Variants in ST3GAL2 observed in about 807,000 individuals in gnomAD.
ST3GAL2 encodes ST3 beta-galactoside alpha-2,3-sialyltransferase 2, also known as CMP-N-acetylneuraminate-beta-galactosamide-alpha-2,3-sialyltransferase 2.
ST3GAL2 carries 16 observed loss-of-function variants against 37.5 expected under a neutral mutation model. The ratio of observed to expected loss-of-function variants is 0.43; its 90% CI spans 0.29 to 0.65. The LOEUF (loss-of-function observed/expected upper bound fraction) is 0.65. ST3GAL2 is among the 30% of genes least tolerant of loss of function. The pLI is 0.17. For missense variants in ST3GAL2, 383 were observed against 487.8 expected, an observed-to-expected ratio of 0.79 and a Z score of 2.02; for synonymous variants, 238 against 202.9, an observed-to-expected ratio of 1.17 and a Z score of -1.47.
chr16:70,399,956 A>C, intron 1 of ST3GAL2: 1 of 152,418 alleles, frequency 6.6e-6, no homozygotes, highest in Non-Finnish European at 1.5e-5. Context: ...GCCTCTCCCA[A>C]TCAGAAGGGA....
chr16:70,422,346 G>A (rs929672771), intron 1 of ST3GAL2, among the ~76,000 whole-genome samples: 2 of 152,214 alleles, frequency 1.3e-5, no homozygotes, highest in Non-Finnish European at 2.9e-5. Context: ...GGGACGAGAG[G>A]TGACACTGCA....
chr16:70,417,153 G>T (rs908050393), intron 1 of ST3GAL2, among the ~76,000 whole-genome samples: 4 of 152,178 alleles, frequency 2.6e-5, no homozygotes, highest in Admixed American at 6.5e-5. Context: ...TTATATAAAG[G>T]CACACATAAA....
intron 1 of ST3GAL2, among the ~76,000 whole-genome samples, chr16:70,416,300 C>G (rs2047676499): frequency 6.6e-6 from 1 of 152,128 alleles, no homozygotes; most frequent in Non-Finnish European, 1.5e-5. Context: ...ACCAGGCCTC[C>G]CCAGCCTCAT....
intron 3 of ST3GAL2, among the ~76,000 whole-genome samples, chr16:70,389,628 C>A (rs1264218964): frequency 6.6e-6 from 1 of 151,998 alleles, no homozygotes; most frequent in African/African-American, 2.4e-5. Flanking sequence ...CTACGTCCAG[C>A]TAATTTTTTG....
chr16:70,421,189 T>C (rs902243163), intron 1 of ST3GAL2, among the ~76,000 whole-genome samples: 4 of 152,162 alleles, frequency 2.6e-5, no homozygotes, highest in African/African-American at 9.7e-5. Context: ...TGAGCAGTCT[T>C]CCTCTTTCCT....
chr16:70,403,518 C>T (rs1597565314), intron 1 of ST3GAL2, among the ~76,000 whole-genome samples: 1 of 151,880 alleles, frequency 6.6e-6, no homozygotes, highest in Non-Finnish European at 1.5e-5. Context: ...CCCATCTCCA[C>T]AAAAAAGTAA....
Position 70,399,285 on chromosome 16 carries a change from C to T in ST3GAL2, c.-755G>A. On this transcript the variant is annotated 5_prime_UTR_variant, in exon 2 of 7. Coordinates refer to ENST00000342907, the MANE Select transcript of ST3GAL2 (RefSeq NM_006927.4). The stretch of plus-strand genomic sequence containing the variant: ...TTGCGTAGGGGTCGCAAAGCTCCTA[C>T]TGTGGCTGTGGGGTCCTCTGGCGCT... The T allele has an allele frequency of 2.5e-6, 1 of 398,868 alleles. No homozygotes were observed. The highest frequency in any genetic ancestry group is 4.4e-6 in the Non-Finnish European group (1 of 226,268). 24.7% of individuals were successfully genotyped at this position (398,868 alleles called of 1,614,324 possible).
chr16:70,408,586 G>A (rs1040181764), intron 1 of ST3GAL2, among the ~76,000 whole-genome samples: 5 of 152,018 alleles, frequency 3.3e-5, no homozygotes, highest in African/African-American at 1.2e-4. Context: ...ACCCCTCAGT[G>A]CTACCCTAGG....
chr16:70,409,768 G>C (rs1597568460), intron 1 of ST3GAL2, among the ~76,000 whole-genome samples: 1 of 151,110 alleles, frequency 6.6e-6, no homozygotes, highest in Admixed American at 6.6e-5. Context: ...CCCCCGAGTA[G>C]CTAGGACCAT....
At chr16:70,399,649 A>G in intron 1 of ST3GAL2, 116 bp from the exon 2 acceptor site, 1 of 388,864 alleles carries the variant, frequency 2.6e-6, no homozygotes, top group Non-Finnish European at 4.5e-6. Context: ...ACTTAATCAG[A>G]GGGTGGACAT....
intron 3 of ST3GAL2, among the ~76,000 whole-genome samples, chr16:70,392,563 T>C (rs1169123794): frequency 6.6e-6 from 1 of 152,106 alleles, no homozygotes; most frequent in Non-Finnish European, 1.5e-5. Flanking sequence ...TGTGGATGGA[T>C]CTGCTGGCCA....
intron 1 of ST3GAL2, among the ~76,000 whole-genome samples, chr16:70,426,124 G>A (rs1481858574): frequency 6.6e-6 from 1 of 151,118 alleles, no homozygotes; most frequent in Non-Finnish European, 1.5e-5. Flanking sequence ...AACGTAACAG[G>A]AAGTTAGGAT....
chr16:70,391,740 C>T (rs994111726), intron 3 of ST3GAL2, among the ~76,000 whole-genome samples: 2 of 152,124 alleles, frequency 1.3e-5, no homozygotes, highest in African/African-American at 4.8e-5. Context: ...GGGGCCTGGG[C>T]GGGGCAGGAG....
At position 70,424,430 on chromosome 16, in the gene ST3GAL2, C is replaced by T. The variant is rs571810683; in HGVS notation, c.-1004+14519G>A. On this transcript the variant is annotated intron_variant, in intron 1 of 6. Transcript: ENST00000342907. ...CAGCCTGACCAACATGGAGAAACCC[C>T]GTCTCTACTAAAAATACAAAATTAG... 1.6e-3 allele frequency among the ~76,000 whole-genome samples: 242 copies of T among 151,248 alleles called. 1 individual carries two copies. The highest frequency in any genetic ancestry group is 3.4e-3 in the Middle Eastern group (1 of 294).
chr16:70,424,037 GAC>G (rs2047733773), intron 1 of ST3GAL2, among the ~76,000 whole-genome samples: 1 of 151,852 alleles, frequency 6.6e-6, no homozygotes, highest in South Asian at 2.1e-4. Flanking sequence ...CAGCCTGGGT[GAC>G]AGAGTGAGAC....
At chr16:70,397,925 C>T (rs1263201352) in intron 2 of ST3GAL2, among the ~76,000 whole-genome samples, 1 of 152,220 alleles carries the variant, frequency 6.6e-6, no homozygotes, top group Non-Finnish European at 1.5e-5. Flanking sequence ...GGCTGTACTC[C>T]TCACTGCCAC....
chr16:70,398,161 CAG>C, intron 2 of ST3GAL2, 29 bp downstream of exon 2: 1 of 1,598,490 alleles, frequency 6.3e-7, no homozygotes, highest in Non-Finnish European at 8.5e-7. Context: ...AACTGGGGGA[CAG>C]ATCCCTGGAA....
chr16:70,407,452 A>C (rs976532265), intron 1 of ST3GAL2, among the ~76,000 whole-genome samples: 17 of 152,148 alleles, frequency 1.1e-4, no homozygotes, highest in South Asian at 2.1e-4. Context: ...ACAGTCTTCT[A>C]AGAAGTTTGT....
At chr16:70,388,901 T>TA (rs869149643) in intron 3 of ST3GAL2, among the ~76,000 whole-genome samples, 403 of 126,330 alleles carry the variant, frequency 3.2e-3, no homozygotes, top group African/African-American at 3.7e-3. Context: ...CCATCTTTAC[T>TA]AAAAAAAAAA....
Sources: allele counts gnomAD v4.1 joint callset (sites outside exome capture counted in the v4.1 genomes callset), GRCh38; gene constraint gnomAD v4.1.1; transcripts MANE v1.5; gene names NCBI Gene and HGNC (gene_info 2026-07-23, HGNC 2026-07-21).